BTRC: variants seen among roughly 807,000 people sequenced by gnomAD.
The protein encoded by BTRC is beta-transducin repeat containing E3 ubiquitin protein ligase, also known as F-box/WD repeat-containing protein 1A.
In BTRC, 42 loss-of-function variants were observed where a neutral mutation model predicts 85.5. The observed-to-expected ratio is 0.49, with a 90% CI of 0.38 to 0.64. The LOEUF is 0.64. Among genes scored for constraint, BTRC ranks in the 30% least tolerant of loss-of-function variants. The probability of loss-of-function intolerance (pLI) is 0.00; values close to 1 mark genes in which losing one functional copy is unlikely to be tolerated. For synonymous variants in BTRC, 255 were observed against 263.3 expected, an observed-to-expected ratio of 0.97 and a Z score of 0.30; for missense variants, 594 against 743.5, an observed-to-expected ratio of 0.80 and a Z score of 2.34.
chr10:101,547,023 C>T (rs1387245019), intron 13 of BTRC, among the ~76,000 whole-genome samples: 1 of 152,086 alleles, frequency 6.6e-6, no homozygotes, highest in Non-Finnish European at 1.5e-5. Context: ...TGAAGCATTA[C>T]CCTAAAACCA....
chr10:101,420,784 T>C (rs1163206723), intron 1 of BTRC, among the ~76,000 whole-genome samples: 1 of 152,042 alleles, frequency 6.6e-6, no homozygotes, highest in African/African-American at 2.4e-5. Context: ...GCTTGATGCC[T>C]CCTTTGCCTG....
rs569391344 is a variant in BTRC at position 101,412,850 on chromosome 10, T to A, written c.49-17495T>A. Among the ~76,000 whole-genome samples the A allele has an allele frequency of 7.2e-5, 11 of 152,324 alleles. No homozygotes were observed. In the South Asian group the frequency reaches 2.3e-3, roughly 32 times the overall value. ...TATATACAGACAATAAAGTGTCTAG[T>A]TGTATTGTCTTTCCCAATGTTAAGC... On this transcript the variant is annotated intron_variant, in intron 1 of 14. Transcript: ENST00000370187.
At chr10:101,509,661 T>C (rs1589571510) in intron 4 of BTRC, among the ~76,000 whole-genome samples, 1 of 144,980 alleles carries the variant, frequency 6.9e-6, no homozygotes, top group South Asian at 2.2e-4. Context: ...CAAGTAATCC[T>C]CCCACCTCAG....
chr10:101,467,324 G>GGA (rs1389565554), intron 3 of BTRC, among the ~76,000 whole-genome samples: 87 of 139,882 alleles, frequency 6.2e-4, no homozygotes, highest in African/African-American at 2.2e-3. Flanking sequence ...TATCAGGCAG[G>GGA]CAGGGTTTTT....
intron 1 of BTRC, among the ~76,000 whole-genome samples, chr10:101,360,666 T>C (rs1942180395): frequency 1.3e-5 from 2 of 152,132 alleles, no homozygotes; most frequent in South Asian, 2.1e-4. Context: ...CTACCGCGTC[T>C]GGCCTCTAGA....
intron 1 of BTRC, among the ~76,000 whole-genome samples, chr10:101,385,115 C>G (rs759674660): frequency 6.6e-6 from 1 of 151,862 alleles, no homozygotes; most frequent in African/African-American, 2.4e-5. Flanking sequence ...CACCTGTAGT[C>G]CCAGCTACTT....
rs117865804 is a variant in BTRC, at chr10:101,504,288, A to T, written c.325-17351A>T. Among the ~76,000 whole-genome samples the T allele has an allele frequency of 2.2e-3, 336 of 152,230 alleles. 1 individual carries two copies. The highest frequency in any genetic ancestry group is 3.0e-3 in the Non-Finnish European group (205 of 68,006). On this transcript the variant is annotated intron_variant, in intron 4 of 14. Transcript: ENST00000370187. ...AGTTTTTTATCTCCTCTCCCTCTTG[A>T]TGTTTATTGTGTGGGAGAGGATGTT...
chr10:101,533,235 A>G (rs1265635186), intron 9 of BTRC, among the ~76,000 whole-genome samples, 165 bp downstream of exon 9: 1 of 152,244 alleles, frequency 6.6e-6, no homozygotes, highest in Non-Finnish European at 1.5e-5. Flanking sequence ...AACTTGATTT[A>G]GAAATGCTTG....
intron 2 of BTRC, among the ~76,000 whole-genome samples, chr10:101,461,322 A>G (rs1393106831): frequency 1.3e-5 from 2 of 152,136 alleles, no homozygotes; most frequent in Non-Finnish European, 2.9e-5. Context: ...TGATTTACAT[A>G]TATTGACTAG....
chr10:101,522,141 C>T (rs1390313049), intron 5 of BTRC, among the ~76,000 whole-genome samples: 1 of 143,940 alleles, frequency 6.9e-6, no homozygotes, highest in Non-Finnish European at 1.5e-5. Flanking sequence ...CCCGGCTTAA[C>T]GCCATTCTCC....
chr10:101,474,264 T>C (rs1304165514), intron 3 of BTRC, among the ~76,000 whole-genome samples: 3 of 152,232 alleles, frequency 2.0e-5, no homozygotes, highest in Non-Finnish European at 4.4e-5. Flanking sequence ...CTGATCACTA[T>C]GACCTTGTGG....
At chr10:101,410,996 CTTTTT>C (rs11356520) in intron 1 of BTRC, among the ~76,000 whole-genome samples, 1 of 122,454 alleles carries the variant, frequency 8.2e-6, no homozygotes, top group African/African-American at 3.3e-5. Flanking sequence ...ATTTCTGGCA[CTTTTT>C]TTTTTTTTTT....
At chr10:101,382,301 A>G (rs985230184) in intron 1 of BTRC, among the ~76,000 whole-genome samples, 67 of 151,968 alleles carry the variant, frequency 4.4e-4, no homozygotes, top group African/African-American at 1.5e-3. Flanking sequence ...TGTCTTTTAC[A>G]GCTCTTTAAA....
chr10:101,524,848 G>A (rs1459472938), intron 5 of BTRC, among the ~76,000 whole-genome samples: 2 of 152,140 alleles, frequency 1.3e-5, no homozygotes, highest in Non-Finnish European at 1.5e-5. Context: ...TGTGATGCCA[G>A]CCAAACAAAA....
At chr10:101,516,231 A>G (rs113329862) in intron 4 of BTRC, among the ~76,000 whole-genome samples, 1 of 152,210 alleles carries the variant, frequency 6.6e-6, no homozygotes, top group Non-Finnish European at 1.5e-5. Flanking sequence ...TGTGCTAAGC[A>G]TGCTTTTCAT....
chr10:101,409,285 T>G (rs978834687), intron 1 of BTRC, among the ~76,000 whole-genome samples: 2 of 152,212 alleles, frequency 1.3e-5, no homozygotes, highest in Non-Finnish European at 2.9e-5. Context: ...CCATATGAAT[T>G]TATCTATTCT....
At chr10:101,362,464 C>T (rs1564727022) in intron 1 of BTRC, among the ~76,000 whole-genome samples, 1 of 151,614 alleles carries the variant, frequency 6.6e-6, no homozygotes, top group Admixed American at 6.6e-5. Flanking sequence ...GGCACAATCT[C>T]GGCTCACAGC....
intron 12 of BTRC, 116 bp from the exon 13 acceptor site, chr10:101,538,177 G>A (rs562145718): frequency 8.3e-6 from 7 of 846,380 alleles, no homozygotes; most frequent in Admixed American, 5.6e-5. Flanking sequence ...GGTTAATCAC[G>A]TACATTTGAA....
At chr10:101,527,706 G>A (rs1264496182) in intron 6 of BTRC, among the ~76,000 whole-genome samples, 2 of 151,482 alleles carry the variant, frequency 1.3e-5, no homozygotes, top group Non-Finnish European at 2.9e-5. Flanking sequence ...GTGAGCTGTG[G>A]TCATGCCACT....
Sources: gnomAD v4.1 joint callset for allele counts (sites outside exome capture counted in the v4.1 genomes callset) on GRCh38, gnomAD v4.1.1 for gene constraint, MANE v1.5 for transcripts, NCBI Gene and HGNC (gene_info 2026-07-23, HGNC 2026-07-21) for gene names.